The following COL6A3 variants were observed in gnomAD, a reference collection of about 807,000 sequenced individuals.
The protein encoded by COL6A3 is collagen alpha-3(VI) chain.
A neutral mutation model predicts 274.1 loss-of-function variants in COL6A3; 137 were observed. That is an observed-to-expected ratio of 0.50 (90% CI 0.44 to 0.58). The LOEUF is 0.58. Ranked by LOEUF, COL6A3 falls within the 20% of genes least tolerant of loss-of-function variation. The pLI, the probability that COL6A3 is intolerant of heterozygous loss-of-function variation, is 0.00. For missense variants in COL6A3, 3,950 were observed against 4,124.9 expected (o/e 0.96, Z 1.16); for synonymous variants, 1,650 against 1,650.6 (o/e 1.00, Z 0.01).
At chr2:237,375,710 T>C (rs569665718) in intron 7 of COL6A3, among the ~76,000 whole-genome samples, 3 of 152,182 alleles carry the variant, frequency 2.0e-5, no homozygotes, top group East Asian at 3.9e-4. Flanking sequence ...ACCCAGCTAA[T>C]TTTTGTATTT....
At chr2:237,358,033 T>G in intron 21 of COL6A3, 151 bp from the exon 22 acceptor site, 1 of 782,168 alleles carries the variant, frequency 1.3e-6, no homozygotes, top group East Asian at 2.5e-5. Context: ...GTAACATCCA[T>G]GCAGGTCTTA....
At chr2:237,331,686 A>T (rs1178408986) in intron 42 of COL6A3, among the ~76,000 whole-genome samples, 1 of 151,378 alleles carries the variant, frequency 6.6e-6, no homozygotes, top group African/African-American at 2.4e-5. Flanking sequence ...TAAGTTTAAG[A>T]GATCAGAGAT....
Position 237,360,110 on chromosome 2 carries a change from C to T in COL6A3, c.6260G>A (p.Cys2087Tyr). The part of the protein sequence containing the change: ...GVNGTQGFQG[C>Y]PGQRGVKGSR... ...CACCTTTACTCCTCTCTGGCCCGGG[C>T]AGCCCTGGAAACCTTGAGTGCCGTT... is the stretch of plus-strand genomic sequence containing the variant. The change falls in exon 17 of 44, where the codon TGC (cysteine) becomes TAC (tyrosine). Residue 2087 changes from cysteine to tyrosine, a missense_variant. Transcript: ENST00000295550. 1 of 1,614,172 alleles carries T rather than the reference C, an allele frequency of 6.2e-7. No homozygotes were observed. Among genetic ancestry groups the T allele is most frequent in the East Asian group, 2.2e-5 (1 of 44,870 alleles).
chr2:237,394,976 G>A lies in COL6A3; in HGVS notation c.320C>T (p.Ser107Phe). Residue 107 changes from serine (S) to phenylalanine (F), a missense_variant, in exon 3 of 44, where the codon TCC becomes TTC. Around this residue, in one of 5 missense-constraint regions of COL6A3, gnomAD observed 1,934 missense variants for 1,984.3 expected, o/e 0.97. Coordinates refer to ENST00000295550, the MANE Select transcript of COL6A3 (RefSeq NM_004369.4). ...RTKQEVLSHISNMSYIGGTNQ... is the reference protein window; with the variant it reads ...RTKQEVLSHIFNMSYIGGTNQ... ...GGTTCCCCCAATATAAGACATGTTG[G>A]AAATATGAGAAAGGACTTCTTGTTT... The A allele has an allele frequency of 6.2e-7, 1 of 1,614,128 alleles. No homozygotes were observed. The highest frequency in any genetic ancestry group is 8.5e-7 in the Non-Finnish European group (1 of 1,180,028).
chr2:237,371,633 T>C lies in COL6A3; in HGVS notation c.4285+99A>G. On this transcript the variant is annotated intron_variant, in intron 9 of 43. Transcript: ENST00000295550. The surrounding 1 kb of genome is among the most constrained non-coding windows in gnomAD (Gnocchi z 4.3). ...CCATAAAGGTAAGGGCATACAACCT[T>C]TATTTTAATTTAATTTATTATGAGT... 1 of 1,510,248 alleles carries C rather than the reference T, an allele frequency of 6.6e-7. No homozygotes were observed. The highest frequency in any genetic ancestry group is 8.8e-7 in the Non-Finnish European group (1 of 1,134,630). 93.6% of individuals were successfully genotyped at this position (1,510,248 alleles called of 1,614,324 possible).
chr2:237,363,769 A>G (rs1311970242), intron 13 of COL6A3, among the ~76,000 whole-genome samples: 1 of 152,224 alleles, frequency 6.6e-6, no homozygotes, highest in African/African-American at 2.4e-5. Flanking sequence ...TTGCTTGGGA[A>G]AAGTAAGCTA....
Position 237,357,930 on chromosome 2 carries a change from C to T in COL6A3, c.6472-48G>A, listed in dbSNP as rs771041478. 29 of 1,536,264 alleles carry T rather than the reference C, an allele frequency of 1.9e-5. No homozygotes were observed. In the East Asian group the frequency reaches 2.5e-4, roughly 13 times the overall value. On this transcript the variant is annotated intron_variant, in intron 21 of 43. Transcript: ENST00000295550. ...AAATGAGCCACATATGGAAGGAAAG[C>T]AGCTGCCACTGGACTGGATGGTCAG...
chr2:237,348,856 G>A (rs1040698157), intron 28 of COL6A3, among the ~76,000 whole-genome samples, 193 bp from the exon 29 acceptor site: 9 of 152,138 alleles, frequency 5.9e-5, no homozygotes, highest in East Asian at 1.9e-4. Context: ...TTCTGTAGGC[G>A]GTGGGCTCAA....
intron 36 of COL6A3, chr2:237,343,490 G>C (rs1678284974): frequency 9.1e-6 from 1 of 110,314 alleles, no homozygotes; most frequent in Non-Finnish European, 1.7e-5. Flanking sequence ...ACTCCAGCCT[G>C]GGTGACAGAG....
In COL6A3 at chr2:237,366,858, C is replaced by A; in HGVS notation, c.5329G>T (p.Gly1777Ter). ...TQRGVKVFAV[G>*]VRNIDSEEVG... Reference sequence around the variant, plus strand: ...TCCTCCGAGTCGATATTCCTCACTCCAACAGCAAACACTTTGACCCCCCTC... The same window carrying A: ...TCCTCCGAGTCGATATTCCTCACTCAAACAGCAAACACTTTGACCCCCCTC... The change falls in exon 11 of 44, where the codon GGA (glycine) becomes TGA (stop). Residue 1777 changes from glycine to a stop codon, truncating the protein, a stop_gained. Transcript: ENST00000295550. LOFTEE classifies it high-confidence loss of function. 1 of 1,614,260 alleles carries A rather than the reference C, an allele frequency of 6.2e-7. No homozygotes were observed. Among genetic ancestry groups the A allele is most frequent in the Non-Finnish European group, 8.5e-7 (1 of 1,180,052 alleles).
Position 237,340,960 on chromosome 2 carries a change from G to A in COL6A3, c.7956C>T (p.Ser2652=). 1.2e-6 allele frequency: 2 copies of A among 1,614,156 alleles called. No homozygotes were observed. Among genetic ancestry groups the A allele is most frequent in the Non-Finnish European group, 1.7e-6 (2 of 1,180,004 alleles). Residue 2652 remains serine (S), a synonymous_variant, in exon 38 of 44, where the codon AGC becomes AGT. Coordinates refer to ENST00000295550, the MANE Select transcript of COL6A3 (RefSeq NM_004369.4). ...AGTGCTGGGAGGCCTTGGGATCTGG[G>A]CTCATGTCCAGTTGTCTGACCAGGT... ...IAYLVRQLDM[S]PDPKASQHFA...
Position 237,357,581 on chromosome 2 carries a change from C to T in COL6A3, c.6538-190G>A, listed in dbSNP as rs537948165. ...CCACCTCTACAAGCCTTTGGCTTAACAAGCACCTTCCGTAAATATCTAAGA... is the reference window on the plus strand; with the variant it reads ...CCACCTCTACAAGCCTTTGGCTTAATAAGCACCTTCCGTAAATATCTAAGA... On this transcript the variant is annotated intron_variant, in intron 22 of 43. Coordinates refer to ENST00000295550, the MANE Select transcript of COL6A3 (RefSeq NM_004369.4). Among the ~76,000 whole-genome samples, 19 of 152,378 alleles carry T rather than the reference C, an allele frequency of 1.2e-4. No individual in the cohort carries two copies. The South Asian group carries it at 3.9e-3, about 32-fold the overall frequency.
Position 237,342,153 on chromosome 2 carries a change from G to A in COL6A3, c.7677C>T (p.Asn2559=), listed in dbSNP as rs992187883. ...GGACAAGCGCATGCCCCACTGCTGT[G>A]TTATTGATCTGGTTTAAACAAAAGA... ...RQLINALQIN[N]TAVGHALVLP... is the part of the protein sequence containing the mutation. The change falls in exon 37 of 44, where the codon AAC becomes AAT. Residue 2559 remains asparagine, a synonymous_variant. Transcript: ENST00000295550. 3 of 1,613,998 alleles carry A rather than the reference G, an allele frequency of 1.9e-6. No individual in the cohort carries two copies. In the African/African-American group the frequency reaches 4.0e-5, roughly 22 times the overall value.
At position 237,361,718 on chromosome 2, in the gene COL6A3, G is replaced by A. The variant is rs374027525; in HGVS notation, c.6156+21C>T. 1.2e-4 allele frequency: 196 copies of A among 1,609,516 alleles called. No homozygotes were observed. The highest frequency in any genetic ancestry group is 1.6e-4 in the Non-Finnish European group (183 of 1,175,898). ...TTCTGACACCTCATCTCAGGCGTGG[G>A]CAAGGGTAAAGCCACCGTACCTTTG... On this transcript the variant is annotated intron_variant, in intron 15 of 43. Transcript: ENST00000295550. The surrounding 1 kb of genome is among the most constrained non-coding windows in gnomAD (Gnocchi z 5.1).
chr2:237,360,569 C>T (rs1238848993), intron 16 of COL6A3, among the ~76,000 whole-genome samples: 2 of 152,164 alleles, frequency 1.3e-5, no homozygotes, highest in Admixed American at 6.5e-5. Flanking sequence ...TCCTCGTGAG[C>T]CCCTCTGTCC....
intron 40 of COL6A3, 45 bp from the exon 41 acceptor site, chr2:237,334,934 A>G (rs746553216): frequency 1.2e-6 from 2 of 1,609,576 alleles, no homozygotes; most frequent in Non-Finnish European, 1.7e-6. Flanking sequence ...AAAATCCTCC[A>G]TGACTGTAGT....
chr2:237,408,457 T>C (rs1204950815), intron 1 of COL6A3, among the ~76,000 whole-genome samples: 1 of 152,214 alleles, frequency 6.6e-6, no homozygotes, highest in African/African-American at 2.4e-5. Context: ...TTTAGCTGAG[T>C]TGGCGCTAAC....
chr2:237,344,359 G>A lies in COL6A3; in HGVS notation c.7659C>T (p.Asn2553=), dbSNP rs369335838. ...LTRQEDRQLI[N]ALQINNTAVG... is the part of the protein sequence containing the mutation. Reference sequence around the variant, plus strand: ...CGCACAGAGCACAGACCTGCAAAGCGTTGATGAGCTGCCGGTCTTCCTGCC... The same window carrying A: ...CGCACAGAGCACAGACCTGCAAAGCATTGATGAGCTGCCGGTCTTCCTGCC... The change falls in exon 36 of 44, where the codon AAC becomes AAT. Residue 2553 remains asparagine, a synonymous_variant. Coordinates refer to ENST00000295550, the MANE Select transcript of COL6A3 (RefSeq NM_004369.4). This position sits in a 1 kb window ranked among gnomAD's most constrained non-coding sequence, Gnocchi z 4.8. 9.9e-6 allele frequency: 16 copies of A among 1,614,102 alleles called. No homozygotes were observed. The highest frequency in any genetic ancestry group is 6.7e-5 in the African/African-American group (5 of 74,938).
At chr2:237,358,953 A>C in intron 20 of COL6A3, 82 bp downstream of exon 20, 2 of 1,507,992 alleles carry the variant, frequency 1.3e-6, no homozygotes, top group Non-Finnish European at 1.8e-6. Context: ...GGCTTGATGT[A>C]TATGAGGAAA....
Sources: allele counts gnomAD v4.1 joint callset (sites outside exome capture counted in the v4.1 genomes callset), GRCh38; gene constraint gnomAD v4.1.1; regional missense constraint gnomAD v4.1.1; non-coding constraint Gnocchi (gnomAD v3.1); transcripts MANE v1.5; gene names NCBI Gene and HGNC (gene_info 2026-07-23, HGNC 2026-07-21).